Variants in HEPH observed in about 807,000 individuals in gnomAD.
HEPH encodes hephaestin.
A neutral mutation model predicts 80.8 loss-of-function variants in HEPH; 69 were observed. The ratio of observed to expected loss-of-function variants is 0.85; its 90% CI spans 0.70 to 1.04. The LOEUF (loss-of-function observed/expected upper bound fraction) is 1.04, where lower values mean the gene tolerates loss of function less well. HEPH is among the 50% of genes least tolerant of loss of function. The pLI is 0.00. For missense variants in HEPH, 1,115 were observed against 891.3 expected (o/e 1.25, Z -3.20); for synonymous variants, 431 against 322.8 (o/e 1.34, Z -3.60).
At chrX:66,169,510 G>C (rs929337541) in intron 1 of HEPH, among the ~76,000 whole-genome samples, 1 of 111,618 alleles carries the variant, frequency 9.0e-6, no homozygotes, top group Admixed American at 9.6e-5. Flanking sequence ...ATTGAAGTGA[G>C]AGGTTAGAAT....
chrX:66,249,484 G>A (rs2090932806), intron 15 of HEPH, among the ~76,000 whole-genome samples: 1 of 111,596 alleles, frequency 9.0e-6, no homozygotes, highest in Non-Finnish European at 1.9e-5. Flanking sequence ...GGAGTGTATT[G>A]AAAGTTTGTA....
chrX:66,203,434 C>T lies in HEPH; in HGVS notation c.2148C>T (p.Ser716=). The part of the protein sequence containing the change: ...EAGMRAIYNV[S]QCPGHQATPR... ...GGATGAGGGCAATCTATAATGTCTC[C>T]CAGTGTCCTGGCCACCAAGCCACCC... Residue 716 remains serine, a synonymous_variant, in exon 13 of 21, where the codon TCC becomes TCT. Transcript: ENST00000343002. The T allele has an allele frequency of 8.3e-7, 1 of 1,210,480 alleles. No individual in the cohort carries two copies. The highest frequency in any genetic ancestry group is 1.1e-6 in the Non-Finnish European group (1 of 895,114).
At chrX:66,215,155 G>A (rs183393898) in intron 15 of HEPH, among the ~76,000 whole-genome samples, 2 of 111,572 alleles carry the variant, frequency 1.8e-5, no homozygotes, top group Admixed American at 9.5e-5. Context: ...TGTCATAAAG[G>A]TTGTACATAT....
In HEPH at chrX:66,203,395, C is replaced by T. The variant is rs780750693; in HGVS notation, c.2109C>T (p.Ser703=). 1.4e-5 allele frequency: 17 copies of T among 1,210,246 alleles called. No individual in the cohort carries two copies. The East Asian group carries it at 2.1e-4, about 15-fold the overall frequency. Reference sequence around the variant, plus strand: ...TTGAGATTTATTGCCAGGCAGGCAGCCATCGAGAAGCAGGGATGAGGGCAA... The same window carrying T: ...TTGAGATTTATTGCCAGGCAGGCAGTCATCGAGAAGCAGGGATGAGGGCAA... ...GTFEIYCQAG[S]HREAGMRAIY... The change falls in exon 13 of 21, where the codon AGC becomes AGT. Residue 703 remains serine, a synonymous_variant. Transcript: ENST00000343002.
Position 66,200,520 on chromosome X carries a change from C to T in HEPH, c.1865-20C>T, listed in dbSNP as rs1386939600. On this transcript the variant is annotated intron_variant, in intron 11 of 20. Coordinates refer to ENST00000343002, the MANE Select transcript of HEPH (RefSeq NM_001367233.3). The stretch of plus-strand genomic sequence containing the variant: ...GTCTGGTCTCATCTCCCCACCTTGT[C>T]TTGTGTTTTTGTTTTCCAGCCATTA... 6 of 1,161,577 alleles carry T rather than the reference C, an allele frequency of 5.2e-6. No individual in the cohort carries two copies. Among genetic ancestry groups the T allele is most frequent in the Non-Finnish European group, 6.9e-6 (6 of 864,428 alleles).
chrX:66,227,809 T>C (rs751455454), intron 15 of HEPH, among the ~76,000 whole-genome samples: 1 of 111,495 alleles, frequency 9.0e-6, no homozygotes, highest in Non-Finnish European at 1.9e-5. Flanking sequence ...CCTTATAGTA[T>C]AGTTTAAAGT....
intron 19 of HEPH, among the ~76,000 whole-genome samples, chrX:66,261,024 G>T (rs950649940): frequency 8.9e-6 from 1 of 111,869 alleles, no homozygotes; most frequent in African/African-American, 3.3e-5. Context: ...CAATCCTCCC[G>T]CCTTGGTCTC....
chrX:66,168,549 C>T (rs1272443562), intron 1 of HEPH, among the ~76,000 whole-genome samples: 2 of 111,738 alleles, frequency 1.8e-5, no homozygotes, highest in African/African-American at 6.5e-5. Context: ...ACATCAAGAG[C>T]TTTCTGCCAA....
intron 15 of HEPH, among the ~76,000 whole-genome samples, chrX:66,253,216 TA>T (rs1166644270): frequency 4.5e-5 from 5 of 112,185 alleles, no homozygotes; most frequent in African/African-American, 1.6e-4. Flanking sequence ...CCAGAATCCA[TA>T]AGGAACTATT....
At chrX:66,239,194 T>C (rs2090475162) in intron 15 of HEPH, among the ~76,000 whole-genome samples, 1 of 112,138 alleles carries the variant, frequency 8.9e-6, no homozygotes, top group African/African-American at 3.2e-5. Context: ...GGTCTCTTTC[T>C]GTTGGAATTT....
At chrX:66,228,171 A>T (rs1271729986) in intron 15 of HEPH, among the ~76,000 whole-genome samples, 1 of 111,684 alleles carries the variant, frequency 9.0e-6, no homozygotes, top group Non-Finnish European at 1.9e-5. Flanking sequence ...AGAGAATGAA[A>T]ATCAAGCAAA....
At chrX:66,195,049 C>A (rs1376591169) in intron 8 of HEPH, 49 bp from the exon 9 acceptor site, 2 of 1,043,129 alleles carry the variant, frequency 1.9e-6, no homozygotes. Flanking sequence ...TCCTTCCTCC[C>A]TGTTTATCCC....
intron 15 of HEPH, among the ~76,000 whole-genome samples, chrX:66,220,632 G>A (rs1020803179): frequency 1.8e-5 from 2 of 111,879 alleles, no homozygotes; most frequent in Non-Finnish European, 3.8e-5. Flanking sequence ...CTGCCATATA[G>A]CCTCTTTCCT....
At chrX:66,255,478 T>A (rs1327421556) in intron 16 of HEPH, among the ~76,000 whole-genome samples, 1 of 111,377 alleles carries the variant, frequency 9.0e-6, no homozygotes, top group Admixed American at 9.5e-5. Context: ...AGTCCCAAAT[T>A]TGGTTATAGC....
rs1395840857 is a variant in HEPH at position 66,208,639 on chromosome X, T to C, written c.2563+393T>C. 2.4e-3 allele frequency among the ~76,000 whole-genome samples: 118 copies of C among 48,378 alleles called. 1 individual carries two copies. Among genetic ancestry groups the C allele is most frequent in the African/African-American group, 4.6e-3 (33 of 7,211 alleles). 42.0% of individuals were successfully genotyped at this position (48,378 alleles called of 115,157 possible). A position where few individuals can be genotyped will look rare whatever the true frequency, so the allele number is the denominator to read the frequency against. ...TCTCAAATATATACATACATATATA[T>C]ATATATATATATATATATATATATA... On this transcript the variant is annotated intron_variant, in intron 15 of 20. Coordinates refer to ENST00000343002, the MANE Select transcript of HEPH (RefSeq NM_001367233.3).
intron 15 of HEPH, among the ~76,000 whole-genome samples, chrX:66,220,772 A>G (rs1298699187): frequency 9.0e-6 from 1 of 110,930 alleles, no homozygotes; most frequent in Non-Finnish European, 1.9e-5. Flanking sequence ...ATCATTTATG[A>G]GCCCCCACCA....
At chrX:66,265,203 A>T (rs2091498702) in intron 20 of HEPH, among the ~76,000 whole-genome samples, 1 of 110,992 alleles carries the variant, frequency 9.0e-6, no homozygotes, top group African/African-American at 3.3e-5. Flanking sequence ...GTTGAATTAC[A>T]TTGATTGATG....
chrX:66,167,233 T>C (rs1443569016), intron 1 of HEPH, among the ~76,000 whole-genome samples: 1 of 111,793 alleles, frequency 8.9e-6, no homozygotes, highest in African/African-American at 3.3e-5. Flanking sequence ...CTCAAGATCT[T>C]GAGAATTATA....
rs2086278173 is a variant in HEPH at position 66,164,498 on chromosome X, C to T, written c.-14+28C>T. On this transcript the variant is annotated intron_variant, in intron 1 of 20. Coordinates refer to ENST00000343002, the MANE Select transcript of HEPH (RefSeq NM_001367233.3). ...AAGCTTTCTTTTCTCTCTTTTCAAA[C>T]TCTACCTCACCTGCCTTCCTGTGCA... 4.0e-6 allele frequency: 3 copies of T among 748,732 alleles called. No individual in the cohort carries two copies. The South Asian group carries it at 2.0e-4, about 51-fold the overall frequency. The allele number at this position is 748,732 out of a possible 1,213,427, so 61.7% of individuals were successfully genotyped here. A position where few individuals can be genotyped will look rare whatever the true frequency, so the allele number is the denominator to read the frequency against.
Sources: gnomAD v4.1 joint callset for allele counts (sites outside exome capture counted in the v4.1 genomes callset) on GRCh38, gnomAD v4.1.1 for gene constraint, MANE v1.5 for transcripts, NCBI Gene and HGNC (gene_info 2026-07-23, HGNC 2026-07-21) for gene names.